SAP130: variants seen among roughly 807,000 people sequenced by gnomAD.
SAP130 encodes the protein Sin3A associated protein 130, also known as histone deacetylase complex subunit SAP130.
SAP130 carries 16 observed loss-of-function variants against 103.2 expected under a neutral mutation model. That is an observed-to-expected ratio of 0.16 (90% CI 0.10 to 0.24). The LOEUF is 0.24. Ranked by LOEUF, SAP130 falls within the 10% of genes least tolerant of loss-of-function variation. The pLI is 1.00. For synonymous variants in SAP130, 477 were observed against 497.0 expected (o/e 0.96, Z 0.53); for missense variants, 990 against 1,359.7 (o/e 0.73, Z 4.28).
At chr2:128,020,363 T>C (rs939282742) in intron 2 of SAP130, among the ~76,000 whole-genome samples, 3 of 152,208 alleles carry the variant, frequency 2.0e-5, no homozygotes, top group African/African-American at 4.8e-5. Context: ...CTTGTAACAC[T>C]ATAGATTAGT....
chr2:127,966,176 A>G (rs538661382), intron 15 of SAP130, among the ~76,000 whole-genome samples: 1 of 151,384 alleles, frequency 6.6e-6, no homozygotes, highest in Non-Finnish European at 1.5e-5. Flanking sequence ...CCCAGTCTCT[A>G]CTAAAAATAC....
At chr2:127,997,418 T>C (rs1004301818) in intron 10 of SAP130, among the ~76,000 whole-genome samples, 2 of 152,158 alleles carry the variant, frequency 1.3e-5, no homozygotes, top group African/African-American at 4.8e-5. Context: ...GAGACTAGAC[T>C]AGGAGGATGC....
chr2:128,017,295 C>A (rs1684848572), intron 3 of SAP130, among the ~76,000 whole-genome samples: 1 of 152,118 alleles, frequency 6.6e-6, no homozygotes, highest in South Asian at 2.1e-4. Flanking sequence ...GCACTCCAGC[C>A]TGGATGACAG....
At chr2:127,945,705 T>A in intron 18 of SAP130, 146 bp from the exon 19 acceptor site, 1 of 610,340 alleles carries the variant, frequency 1.6e-6, no homozygotes. Context: ...CAGGCTGAAG[T>A]GCAGTGGTAC....
chr2:127,946,638 T>C (rs1679094243), intron 18 of SAP130, among the ~76,000 whole-genome samples: 1 of 151,998 alleles, frequency 6.6e-6, no homozygotes, highest in Admixed American at 6.6e-5. Context: ...ATCCCAGCAC[T>C]TTGGGAGGCC....
Position 128,017,653 on chromosome 2 carries a change from G to T in SAP130, c.348+27C>A. 5 of 1,575,194 alleles carry T rather than the reference G, an allele frequency of 3.2e-6. No homozygotes were observed. The East Asian group carries it at 1.1e-4, about 35-fold the overall frequency. On this transcript the variant is annotated intron_variant, in intron 3 of 20. Transcript: ENST00000643581. ...TTAGCCAGTCTCGAGCTCTGGTTCA[G>T]TGTGAAGTTTTAACCCTCTCCATTA... is the stretch of plus-strand genomic sequence containing the variant.
chr2:127,942,186 CATCA>C lies in SAP130; in HGVS notation c.3016-26_3016-23del, dbSNP rs768624695. On this transcript the variant is annotated intron_variant, in intron 20 of 20. Transcript: ENST00000643581. The surrounding 1 kb of genome is among the most constrained non-coding windows in gnomAD (Gnocchi z 4.8). Reference sequence around the variant, plus strand: ...TTCCCTGAAACAGAAGACATTGCATCATCAATCAGTGACCATGAGGATAGTACAG... The same window carrying C: ...TTCCCTGAAACAGAAGACATTGCATCATCAGTGACCATGAGGATAGTACAG... 18 of 1,571,906 alleles carry C rather than the reference CATCA, an allele frequency of 1.1e-5. No individual in the cohort carries two copies. In the African/African-American group the frequency reaches 2.5e-4, roughly 22 times the overall value.
In SAP130 at chr2:127,952,384, G is replaced by C. The variant is rs891657422; in HGVS notation, c.2423-1976C>G. Among the ~76,000 whole-genome samples, 7 of 150,698 alleles carry C rather than the reference G, an allele frequency of 4.6e-5. No individual in the cohort carries two copies. The South Asian group carries it at 1.3e-3, about 27-fold the overall frequency. Reference sequence around the variant, plus strand: ...GAGAATTGCTTGAAACCAGAAGGCAGAGGTTGCAGTGAGCCAAGATCACGC... The same window carrying C: ...GAGAATTGCTTGAAACCAGAAGGCACAGGTTGCAGTGAGCCAAGATCACGC... On this transcript the variant is annotated intron_variant, in intron 16 of 20. Transcript: ENST00000643581.
intron 12 of SAP130, among the ~76,000 whole-genome samples, chr2:127,991,695 A>C (rs1289092922): frequency 6.6e-6 from 1 of 152,202 alleles, no homozygotes; most frequent in African/African-American, 2.4e-5. Flanking sequence ...AATCTAGGGT[A>C]TATTTTACTC....
At chr2:128,014,681 T>C in intron 5 of SAP130, 122 bp downstream of exon 5, 1 of 721,466 alleles carries the variant, frequency 1.4e-6, no homozygotes. Context: ...TTCACGGTTC[T>C]GCAGACTGTT....
chr2:128,006,251 A>G (rs1281802016), intron 7 of SAP130, among the ~76,000 whole-genome samples: 1 of 152,238 alleles, frequency 6.6e-6, no homozygotes. Flanking sequence ...AACTTTCAAA[A>G]TATTGGTGCT....
rs763709582 is a variant in SAP130 at position 127,989,843 on chromosome 2, C to T, written c.1501G>A (p.Ala501Thr). The stretch of plus-strand genomic sequence containing the variant: ...CCAACACCAGTCTGAGCTGTGATGG[C>T]AGAGTTTGGAGCCTGAGCTGAAACT... ...YPVSAQAPNSAITAQTGVGVA... is the reference protein window; with the variant it reads ...YPVSAQAPNSTITAQTGVGVA... The change falls in exon 13 of 21, where the codon GCC becomes ACC. Residue 501 changes from alanine (A) to threonine (T), a missense_variant. Ala to Thr is a moderately conservative substitution (Grantham distance 58). This residue lies in a region of SAP130 where 336 missense variants were observed against 520.1 expected (regional missense o/e 0.65). Coordinates refer to ENST00000643581, the MANE Select transcript of SAP130 (RefSeq NM_001330301.2). This position sits in a 1 kb window ranked among gnomAD's most constrained non-coding sequence, Gnocchi z 4.6. 33 of 1,613,660 alleles carry T rather than the reference C, an allele frequency of 2.0e-5. No individual in the cohort carries two copies. The highest frequency in any genetic ancestry group is 1.4e-5 in the Non-Finnish European group (16 of 1,179,780).
intron 7 of SAP130, 38 bp from the exon 8 acceptor site, chr2:128,000,492 G>T (rs1379982837): frequency 1.2e-6 from 2 of 1,610,928 alleles, no homozygotes; most frequent in Admixed American, 1.7e-5. Context: ...GATGGGCAAG[G>T]TCATTTACAA....
chr2:128,004,903 T>C (rs1467156047), intron 7 of SAP130, among the ~76,000 whole-genome samples: 3 of 152,046 alleles, frequency 2.0e-5, no homozygotes, highest in Non-Finnish European at 4.4e-5. Context: ...TAAGAACCAA[T>C]TACAAATGGG....
chr2:128,010,433 A>G (rs752350673), intron 6 of SAP130, 40 bp from the exon 7 acceptor site: 9 of 1,581,788 alleles, frequency 5.7e-6, no homozygotes, highest in Middle Eastern at 1.7e-4. Flanking sequence ...AAACAAAAAT[A>G]AAATAGAGGA....
At chr2:127,957,574 T>C (rs1679932042) in intron 15 of SAP130, among the ~76,000 whole-genome samples, 1 of 151,274 alleles carries the variant, frequency 6.6e-6, no homozygotes, top group Admixed American at 6.6e-5. Context: ...CTCTGGAGGC[T>C]GAAGAGCAGG....
rs1204881740 is a variant in SAP130 at position 127,986,686 on chromosome 2, G to C, written c.1958+99C>G. Reference sequence around the variant, plus strand: ...AATTTTAACACACCACAGAAAATGAGAGATGAGTTTGATACCAGCATTAGA... The same window carrying C: ...AATTTTAACACACCACAGAAAATGACAGATGAGTTTGATACCAGCATTAGA... On this transcript the variant is annotated intron_variant, in intron 14 of 20. Coordinates refer to ENST00000643581, the MANE Select transcript of SAP130 (RefSeq NM_001330301.2). The surrounding 1 kb of genome is among the most constrained non-coding windows in gnomAD (Gnocchi z 4.7). 1 of 1,288,442 alleles carries C rather than the reference G, an allele frequency of 7.8e-7. No homozygotes were observed. The highest frequency in any genetic ancestry group is 1.1e-6 in the Non-Finnish European group (1 of 919,726). 79.8% of individuals were successfully genotyped at this position (1,288,442 alleles called of 1,614,324 possible).
Position 127,978,028 on chromosome 2 carries a change from C to A in SAP130, c.2020G>T (p.Glu674Ter). ...QPPDVASPRV[E>*]SSMRSTSGSP... ...CCAGACGTACTCCGCATAGAGCTTTCCACTCGAGGACTAGCAACATCAGGA... is the reference window on the plus strand; with the variant it reads ...CCAGACGTACTCCGCATAGAGCTTTACACTCGAGGACTAGCAACATCAGGA... Residue 674 changes from glutamate to a stop codon, truncating the protein, a stop_gained, in exon 15 of 21, where the codon GAA becomes TAA. Transcript: ENST00000643581. LOFTEE classifies it high-confidence loss of function. The A allele has an allele frequency of 6.4e-7, 1 of 1,551,984 alleles. No individual in the cohort carries two copies. The highest frequency in any genetic ancestry group is 8.7e-7 in the Non-Finnish European group (1 of 1,147,032).
chr2:127,955,061 C>A lies in SAP130; in HGVS notation c.2347G>T (p.Val783Phe). ...ATTTCAGGAACGGGAGGGCCCAAGA[C>A]GGAGGAAAGACTGCCACCCACAGTG... The part of the protein sequence containing the change: ...SVTVGGSLSS[V>F]LGPPVPEIKV... The change falls in exon 16 of 21, where the codon GTC (valine) becomes TTC (phenylalanine). Residue 783 changes from valine (V) to phenylalanine (F), a missense_variant. Physicochemically the swap from Val to Phe is conservative, Grantham distance 50. Coordinates refer to ENST00000643581, the MANE Select transcript of SAP130 (RefSeq NM_001330301.2). This position sits in a 1 kb window ranked among gnomAD's most constrained non-coding sequence, Gnocchi z 4.9. 2 of 1,614,044 alleles carry A rather than the reference C, an allele frequency of 1.2e-6. No homozygotes were observed. Among genetic ancestry groups the A allele is most frequent in the Non-Finnish European group, 1.7e-6 (2 of 1,179,986 alleles).
Sources: allele counts gnomAD v4.1 joint callset (sites outside exome capture counted in the v4.1 genomes callset), GRCh38; gene constraint gnomAD v4.1.1; regional missense constraint gnomAD v4.1.1; non-coding constraint Gnocchi (gnomAD v3.1); transcripts MANE v1.5; gene names NCBI Gene and HGNC (gene_info 2026-07-23, HGNC 2026-07-21).